Variants in PHACTR1 observed in about 807,000 individuals in gnomAD.
PHACTR1 encodes RPEL repeat containing 1.
A neutral mutation model predicts 69.2 loss-of-function variants in PHACTR1; 16 were observed. That is an observed-to-expected ratio of 0.23 (90% confidence interval 0.16 to 0.35). PHACTR1 has a LOEUF of 0.35. Ranked by LOEUF, PHACTR1 falls within the 10% of genes least tolerant of loss-of-function variation. The pLI, the probability that PHACTR1 is intolerant of heterozygous loss-of-function variation, is 1.00. For missense variants in PHACTR1, 510 were observed against 734.7 expected (o/e 0.69, Z 3.54); for synonymous variants, 312 against 284.5 (o/e 1.10, Z -0.97).
chr6:13,065,806 A>G (rs1397169255), intron 5 of PHACTR1, among the ~76,000 whole-genome samples: 1 of 152,202 alleles, frequency 6.6e-6, no homozygotes, highest in Non-Finnish European at 1.5e-5. Flanking sequence ...TCTCGTGACT[A>G]GGAAAAGCAA....
At chr6:12,905,263 G>A (rs556309933) in intron 4 of PHACTR1, among the ~76,000 whole-genome samples, 23 of 152,304 alleles carry the variant, frequency 1.5e-4, no homozygotes, top group African/African-American at 5.5e-4. Context: ...CAAAGGTTTG[G>A]TGGTAAACAA....
intron 4 of PHACTR1, among the ~76,000 whole-genome samples, chr6:12,894,520 G>A (rs752188749): frequency 1.9e-4 from 29 of 152,198 alleles, no homozygotes; most frequent in African/African-American, 3.4e-4. Flanking sequence ...CATGAGAATC[G>A]TTTGAACTGG....
In PHACTR1 at chr6:13,048,522, T is replaced by TTGTGTGTGTGTGTGTGTGTGTG. The variant is rs70989824; in HGVS notation, c.251-4832_251-4811dup. Among the ~76,000 whole-genome samples, 462 of 142,958 alleles carry TTGTGTGTGTGTGTGTGTGTGTG rather than the reference T, an allele frequency of 3.2e-3. 3 individuals carry two copies. The highest frequency in any genetic ancestry group is 0.011 in the African/African-American group (420 of 37,930). 93.8% of individuals were successfully genotyped at this position (142,958 alleles called of 152,430 possible). On this transcript the variant is annotated intron_variant, in intron 4 of 14. Transcript: ENST00000332995. Reference sequence around the variant, plus strand: ...GACCTGTTTTTTGGTTTCCATTTCTTTGTGTGTGTGTGTGTGTGTGTGTGT... The same window carrying TTGTGTGTGTGTGTGTGTGTGTG: ...GACCTGTTTTTTGGTTTCCATTTCTTTGTGTGTGTGTGTGTGTGTGTGTGTGTGTGTGTGTGTGTGTGTGTGT...
intron 8 of PHACTR1, among the ~76,000 whole-genome samples, chr6:13,221,423 G>C (rs1323775705): frequency 7.5e-6 from 1 of 133,676 alleles, no homozygotes; most frequent in Non-Finnish European, 1.6e-5. Context: ...ATAGAGGGTG[G>C]ACTGGGTGGG....
At chr6:13,151,496 A>T (rs1824299185) in intron 5 of PHACTR1, among the ~76,000 whole-genome samples, 1 of 152,260 alleles carries the variant, frequency 6.6e-6, no homozygotes, top group African/African-American at 2.4e-5. Flanking sequence ...ATACATGTTT[A>T]CATGAGTGCC....
intron 5 of PHACTR1, among the ~76,000 whole-genome samples, chr6:13,120,248 CCT>C (rs531843593): frequency 1.0e-3 from 159 of 152,224 alleles, no homozygotes; most frequent in African/African-American, 3.3e-3. Context: ...CCTGCTTCTC[CCT>C]CTCTCCTTCT....
intron 4 of PHACTR1, among the ~76,000 whole-genome samples, chr6:12,954,850 G>T (rs1791689147): frequency 6.6e-6 from 1 of 152,080 alleles, no homozygotes; most frequent in African/African-American, 2.4e-5. Flanking sequence ...AGACAAATTT[G>T]TTCCCCTAAA....
At chr6:13,000,403 C>T (rs535390468) in intron 4 of PHACTR1, among the ~76,000 whole-genome samples, 1 of 152,200 alleles carries the variant, frequency 6.6e-6, no homozygotes, top group African/African-American at 2.4e-5. Flanking sequence ...TAAAACTTAG[C>T]TAGGTGTGGT....
intron 8 of PHACTR1, among the ~76,000 whole-genome samples, chr6:13,225,904 G>C (rs1325187613): frequency 2.6e-5 from 4 of 152,178 alleles, no homozygotes; most frequent in Non-Finnish European, 5.9e-5. Context: ...AGCGCAGTTG[G>C]AATGGAGTGG....
At chr6:13,159,355 C>T (rs1758645480) in intron 5 of PHACTR1, among the ~76,000 whole-genome samples, 1 of 152,186 alleles carries the variant, frequency 6.6e-6, no homozygotes, top group Admixed American at 6.5e-5. Flanking sequence ...GAGGCCACAC[C>T]AGAGAACTTC....
At chr6:13,182,123 C>T (rs1762252657) in intron 6 of PHACTR1, among the ~76,000 whole-genome samples, 1 of 152,104 alleles carries the variant, frequency 6.6e-6, no homozygotes, top group South Asian at 2.1e-4. Context: ...ATCCCAGCTA[C>T]TCAGGAGGCT....
At chr6:13,199,246 G>A (rs2113834126) in intron 7 of PHACTR1, among the ~76,000 whole-genome samples, 1 of 152,042 alleles carries the variant, frequency 6.6e-6, no homozygotes, top group East Asian at 1.9e-4. Flanking sequence ...AATTAGCTGG[G>A]CTTGGTGGCG....
intron 5 of PHACTR1, among the ~76,000 whole-genome samples, chr6:13,076,687 GCAAA>G (rs72278517): frequency 0.012 from 1,849 of 152,184 alleles, 21 homozygotes; most frequent in Non-Finnish European, 0.017. Context: ...GCTCTGAGAA[GCAAA>G]CAAGACAGAG....
chr6:12,812,135 G>A (rs1473867070), intron 4 of PHACTR1, among the ~76,000 whole-genome samples: 1 of 152,038 alleles, frequency 6.6e-6, no homozygotes, highest in African/African-American at 2.4e-5. Context: ...AAAACCATGT[G>A]GCCACTTAGC....
At chr6:12,959,195 AGAAAAG>A (rs1562056392) in intron 4 of PHACTR1, among the ~76,000 whole-genome samples, 15 of 96,748 alleles carry the variant, frequency 1.6e-4, no homozygotes, top group African/African-American at 4.7e-4. Flanking sequence ...AAAAAAAAAA[AGAAAAG>A]AAAAAAAAAA....
intron 4 of PHACTR1, among the ~76,000 whole-genome samples, chr6:12,861,136 G>T (rs1780896826): frequency 6.6e-6 from 1 of 152,174 alleles, no homozygotes; most frequent in Non-Finnish European, 1.5e-5. Context: ...AAACATTTTT[G>T]GTTGTGTTGA....
rs758295746 is a variant in PHACTR1, at chr6:12,749,727, G to C, written c.187G>C (p.Val63Leu). 2 of 1,612,196 alleles carry C rather than the reference G, an allele frequency of 1.2e-6. No individual in the cohort carries two copies. Residue 63 changes from valine (V) to leucine (L), a missense_variant, in exon 4 of 15, where the codon GTG (valine) becomes CTG (leucine). Val to Leu is a conservative substitution (Grantham distance 32). This residue lies in a region of PHACTR1 where 419 missense variants were observed against 530.9 expected (regional missense o/e 0.79). Transcript: ENST00000332995. ...TATAGACCGGCGGCCCATCCGGAGA[G>C]TGCGCTCCAAGAGCGACACGCCGTA... ...DDIDRRPIRR[V>L]RSKSDTPYLA...
intron 5 of PHACTR1, among the ~76,000 whole-genome samples, chr6:13,107,735 T>G (rs980499742): frequency 4.6e-5 from 7 of 152,170 alleles, no homozygotes; most frequent in Non-Finnish European, 7.4e-5. Flanking sequence ...CTTCCATTCC[T>G]GATATTCATA....
At chr6:13,064,113 T>C (rs1808122991) in intron 5 of PHACTR1, among the ~76,000 whole-genome samples, 1 of 152,158 alleles carries the variant, frequency 6.6e-6, no homozygotes, top group South Asian at 2.1e-4. Context: ...TCACATCAAA[T>C]GGAATATTGT....
Sources: gnomAD v4.1 joint callset for allele counts (sites outside exome capture counted in the v4.1 genomes callset) on GRCh38, gnomAD v4.1.1 for gene constraint, gnomAD v4.1.1 regional missense constraint, MANE v1.5 for transcripts, NCBI Gene and HGNC (gene_info 2026-07-23, HGNC 2026-07-21) for gene names.